Variants in SNX6 observed in about 807,000 individuals in gnomAD.
The protein encoded by SNX6 is sorting nexin-6.
In SNX6, 34 loss-of-function variants were observed where a neutral mutation model predicts 63.0. That is an observed-to-expected ratio of 0.54 (90% CI 0.41 to 0.72). The LOEUF is 0.72. Ranked by LOEUF, SNX6 falls within the 30% of genes least tolerant of loss-of-function variation. The pLI is 0.00. For missense variants in SNX6, 398 were observed against 471.4 expected, an observed-to-expected ratio of 0.84 and a Z score of 1.44; for synonymous variants, 170 against 164.2, an observed-to-expected ratio of 1.04 and a Z score of -0.27.
intron 8 of SNX6, among the ~76,000 whole-genome samples, chr14:34,588,694 T>C (rs1305451964): frequency 1.3e-5 from 2 of 152,198 alleles, no homozygotes; most frequent in Admixed American, 6.6e-5. Context: ...GGAAATATGC[T>C]ATATTAATGT....
At chr14:34,604,895 G>C (rs4982191) in intron 5 of SNX6, among the ~76,000 whole-genome samples, 151,226 of 152,104 alleles carry the variant, frequency 0.99, 75,177 homozygotes, top group East Asian at 1. Flanking sequence ...CACTCCCAGG[G>C]ATTCTGCATA....
At chr14:34,579,339 C>T (rs1470593987) in intron 10 of SNX6, among the ~76,000 whole-genome samples, 3 of 152,020 alleles carry the variant, frequency 2.0e-5, no homozygotes, top group Admixed American at 1.3e-4. Context: ...ATAAAGGAAC[C>T]AAGCCAGGTG....
At chr14:34,578,760 G>A (rs983796387) in intron 10 of SNX6, among the ~76,000 whole-genome samples, 2 of 150,746 alleles carry the variant, frequency 1.3e-5, no homozygotes, top group Non-Finnish European at 3.0e-5. Flanking sequence ...CCAACATGGT[G>A]AAACCCCATC....
intron 6 of SNX6, among the ~76,000 whole-genome samples, 157 bp from the exon 7 acceptor site, chr14:34,597,802 G>C (rs1344344986): frequency 1.3e-5 from 2 of 151,982 alleles, no homozygotes; most frequent in Non-Finnish European, 2.9e-5. Context: ...TCAAATTTTA[G>C]GGCATAAAAA....
At chr14:34,586,852 A>C (rs1320704793) in intron 8 of SNX6, among the ~76,000 whole-genome samples, 3 of 151,696 alleles carry the variant, frequency 2.0e-5, no homozygotes, top group Non-Finnish European at 4.4e-5. Flanking sequence ...TACTAAAAAT[A>C]CAAAATATTA....
chr14:34,588,691 T>C (rs1227649901), intron 8 of SNX6, among the ~76,000 whole-genome samples: 2 of 152,188 alleles, frequency 1.3e-5, no homozygotes, highest in African/African-American at 4.8e-5. Flanking sequence ...AGTGGAAATA[T>C]GCTATATTAA....
intron 10 of SNX6, among the ~76,000 whole-genome samples, chr14:34,579,672 T>A (rs988910832): frequency 2.0e-5 from 3 of 151,832 alleles, no homozygotes; most frequent in African/African-American, 7.3e-5. Context: ...ATGAATATAA[T>A]GTTGAGTACA....
chr14:34,611,334 G>A (rs549233377), intron 2 of SNX6, among the ~76,000 whole-genome samples: 6 of 152,264 alleles, frequency 3.9e-5, no homozygotes, highest in African/African-American at 9.6e-5. Context: ...AAAATTAGCC[G>A]GGCACATGTT....
At chr14:34,616,391 A>G (rs1883420157) in intron 2 of SNX6, among the ~76,000 whole-genome samples, 1 of 152,128 alleles carries the variant, frequency 6.6e-6, no homozygotes, top group Admixed American at 6.6e-5. Context: ...TTTTAAAGAG[A>G]CAGAGTCTTG....
chr14:34,606,089 G>A (rs180915982), intron 4 of SNX6, among the ~76,000 whole-genome samples: 5 of 151,656 alleles, frequency 3.3e-5, no homozygotes, highest in African/African-American at 4.8e-5. Flanking sequence ...CATGAGAATC[G>A]CTTGAACCTG....
chr14:34,594,993 G>A (rs1002006268), intron 7 of SNX6, among the ~76,000 whole-genome samples: 1 of 152,134 alleles, frequency 6.6e-6, no homozygotes, highest in Non-Finnish European at 1.5e-5. Context: ...TTGGGAGGTT[G>A]AAGTGGGAGG....
chr14:34,569,434 G>GT (rs892975999), intron 11 of SNX6, among the ~76,000 whole-genome samples: 7 of 147,866 alleles, frequency 4.7e-5, no homozygotes, highest in South Asian at 2.1e-4. Context: ...TTTTTTTTTT[G>GT]TTTTTTGTTT....
chr14:34,614,449 C>A (rs916956384), intron 2 of SNX6, among the ~76,000 whole-genome samples: 2 of 150,138 alleles, frequency 1.3e-5, no homozygotes, highest in Non-Finnish European at 3.0e-5. Flanking sequence ...AAAAAAAAAA[C>A]CAAAAAACTC....
chr14:34,618,042 A>G (rs1398672281), intron 2 of SNX6, among the ~76,000 whole-genome samples: 1 of 152,150 alleles, frequency 6.6e-6, no homozygotes, highest in Non-Finnish European at 1.5e-5. Context: ...ACAGCAAAGC[A>G]AATGTAGAGA....
intron 11 of SNX6, among the ~76,000 whole-genome samples, chr14:34,572,196 T>C (rs1216081002): frequency 6.6e-6 from 1 of 152,184 alleles, no homozygotes; most frequent in Non-Finnish European, 1.5e-5. Flanking sequence ...TGATACCTTG[T>C]TGTAGTTTTA....
At chr14:34,624,158 T>C (rs1883734617) in intron 2 of SNX6, among the ~76,000 whole-genome samples, 1 of 152,080 alleles carries the variant, frequency 6.6e-6, no homozygotes, top group Admixed American at 6.6e-5. Context: ...TGGAGTGCAA[T>C]GGCACAGTCT....
At chr14:34,605,558 C>T in intron 5 of SNX6, 38 bp downstream of exon 5, 3 of 1,403,374 alleles carry the variant, frequency 2.1e-6, no homozygotes, top group African/African-American at 2.0e-5. Context: ...GCAACAACAA[C>T]CAAAAAAAAA....
chr14:34,592,459 TG>T (rs775774100), intron 8 of SNX6, among the ~76,000 whole-genome samples: 1 of 152,114 alleles, frequency 6.6e-6, no homozygotes, highest in Non-Finnish European at 1.5e-5. Flanking sequence ...GCCACTGACT[TG>T]ATTTGTATGT....
chr14:34,568,143 AATT>A, intron 11 of SNX6, 130 bp from the exon 12 acceptor site: 4 of 620,346 alleles, frequency 6.4e-6, no homozygotes, highest in Admixed American at 7.5e-5. Context: ...CAGTTACTCC[AATT>A]TTTTTTTTTT....
Sources: allele counts gnomAD v4.1 joint callset (sites outside exome capture counted in the v4.1 genomes callset), GRCh38; gene constraint gnomAD v4.1.1; transcripts MANE v1.5; gene names NCBI Gene and HGNC (gene_info 2026-07-23, HGNC 2026-07-21).